The following GRIK1 variants were observed in gnomAD, a reference collection of about 807,000 sequenced individuals.
GRIK1 encodes glutamate ionotropic receptor kainate type subunit 1.
GRIK1 carries 69 observed loss-of-function variants against 105.7 expected under a neutral mutation model. That is an observed-to-expected ratio of 0.65 (90% confidence interval 0.54 to 0.80). The LOEUF (loss-of-function observed/expected upper bound fraction) is 0.80, where lower values mean the gene tolerates loss of function less well. Among genes scored for constraint, GRIK1 ranks in the 30% least tolerant of loss-of-function variants. GRIK1 has a pLI of 0.00. For synonymous variants in GRIK1, 438 were observed against 431.3 expected, an observed-to-expected ratio of 1.02 and a Z score of -0.19; for missense variants, 1,109 against 1,167.3, an observed-to-expected ratio of 0.95 and a Z score of 0.73.
chr21:29,888,847 T>C (rs1026503457), intron 1 of GRIK1, among the ~76,000 whole-genome samples: 5 of 152,102 alleles, frequency 3.3e-5, no homozygotes, highest in African/African-American at 7.2e-5. Flanking sequence ...AGTTTTTTTT[T>C]CCCCCTCCCC....
chr21:29,908,223 T>C (rs1162762026), intron 1 of GRIK1, among the ~76,000 whole-genome samples: 2 of 143,404 alleles, frequency 1.4e-5, no homozygotes, highest in Non-Finnish European at 3.0e-5. Context: ...TATAATTTTA[T>C]TTACACAGAA....
At chr21:29,891,795 A>T (rs927015438) in intron 1 of GRIK1, among the ~76,000 whole-genome samples, 1 of 152,222 alleles carries the variant, frequency 6.6e-6, no homozygotes, top group Admixed American at 6.5e-5. Flanking sequence ...TGTTAAAAAA[A>T]TTTATATACT....
Position 29,848,151 on chromosome 21 carries a change from G to T in GRIK1, c.118+91232C>A, listed in dbSNP as rs544651367. ...GCCTTGGCAACGACTTTATCTGTAC[G>T]CTGCTTCTAGTTGCACTTTTACCAC... On this transcript the variant is annotated intron_variant, in intron 1 of 17. Transcript: ENST00000327783. 5.9e-5 allele frequency among the ~76,000 whole-genome samples: 9 copies of T among 152,062 alleles called. No homozygotes were observed. The South Asian group carries it at 1.7e-3, about 28-fold the overall frequency.
intron 1 of GRIK1, among the ~76,000 whole-genome samples, chr21:29,790,850 G>A (rs138602576): frequency 6.6e-6 from 1 of 152,294 alleles, no homozygotes; most frequent in East Asian, 1.9e-4. Context: ...AGTGAATGAA[G>A]GCTCATTGCT....
intron 7 of GRIK1, among the ~76,000 whole-genome samples, chr21:29,613,133 C>T (rs1490820828): frequency 3.3e-5 from 5 of 152,180 alleles, no homozygotes; most frequent in Non-Finnish European, 4.4e-5. Flanking sequence ...AAGCATCTAA[C>T]ACAGGACTGT....
chr21:29,877,651 T>C (rs542586068), intron 1 of GRIK1, among the ~76,000 whole-genome samples: 11 of 152,318 alleles, frequency 7.2e-5, no homozygotes, highest in African/African-American at 2.6e-4. Flanking sequence ...ATTATTCTTT[T>C]ATGTTGTCAG....
intron 3 of GRIK1, among the ~76,000 whole-genome samples, chr21:29,682,374 G>A (rs962878752): frequency 6.6e-6 from 1 of 152,098 alleles, no homozygotes; most frequent in African/African-American, 2.4e-5. Context: ...ATGAAGTAAG[G>A]GCTGGCGTCG....
intron 1 of GRIK1, among the ~76,000 whole-genome samples, chr21:29,917,158 AT>A (rs2071027139): frequency 6.6e-6 from 1 of 151,994 alleles, no homozygotes; most frequent in South Asian, 2.1e-4. Context: ...TGAAGACTGG[AT>A]TTTAACATAA....
At chr21:29,866,988 C>G (rs116604668) in intron 1 of GRIK1, among the ~76,000 whole-genome samples, 615 of 152,258 alleles carry the variant, frequency 4.0e-3, no homozygotes, top group African/African-American at 0.014. Flanking sequence ...TGTTTGAACC[C>G]AGTGGATGGT....
chr21:29,665,933 G>A (rs1348595678), intron 4 of GRIK1, among the ~76,000 whole-genome samples: 2 of 152,148 alleles, frequency 1.3e-5, no homozygotes, highest in Non-Finnish European at 2.9e-5. Context: ...AGCATATTAT[G>A]CATGCAGTAA....
chr21:29,767,235 T>C (rs1417620896), intron 1 of GRIK1, among the ~76,000 whole-genome samples: 2 of 152,186 alleles, frequency 1.3e-5, no homozygotes, highest in African/African-American at 2.4e-5. Context: ...AATGGGACAA[T>C]GTGTGTGTTT....
intron 1 of GRIK1, among the ~76,000 whole-genome samples, chr21:29,913,382 A>G (rs2070885176): frequency 6.6e-6 from 1 of 152,076 alleles, no homozygotes; most frequent in Admixed American, 6.6e-5. Context: ...AATTTTACTT[A>G]CATATACTTA....
intron 1 of GRIK1, among the ~76,000 whole-genome samples, chr21:29,884,462 G>A (rs950547022): frequency 6.6e-6 from 1 of 151,812 alleles, no homozygotes; most frequent in Non-Finnish European, 1.5e-5. Flanking sequence ...TCCCACCCCC[G>A]ACTCTTTGTA....
At chr21:29,681,381 C>T (rs578017483) in intron 3 of GRIK1, among the ~76,000 whole-genome samples, 3 of 152,136 alleles carry the variant, frequency 2.0e-5, no homozygotes, top group African/African-American at 4.8e-5. Context: ...CCTCTCTGAC[C>T]GTCTCTTCTA....
intron 1 of GRIK1, among the ~76,000 whole-genome samples, chr21:29,905,768 A>G (rs982578913): frequency 1.3e-5 from 2 of 148,660 alleles, no homozygotes; most frequent in East Asian, 2.0e-4. Context: ...CTGGGACTAC[A>G]GGCGCCCGCC....
Position 29,893,020 on chromosome 21 carries a change from C to G in GRIK1, c.118+46363G>C, listed in dbSNP as rs1054748803. Among the ~76,000 whole-genome samples, 4 of 152,136 alleles carry G rather than the reference C, an allele frequency of 2.6e-5. No homozygotes were observed. In the East Asian group the frequency reaches 7.7e-4, roughly 29 times the overall value. ...AGAAACCCCACCTCAACTGAAGATACAATTAGCTGGGCATGGTGACACACG... is the reference window on the plus strand; with the variant it reads ...AGAAACCCCACCTCAACTGAAGATAGAATTAGCTGGGCATGGTGACACACG... On this transcript the variant is annotated intron_variant, in intron 1 of 17. Coordinates refer to ENST00000327783, the MANE Select transcript of GRIK1 (RefSeq NM_001330994.2).
At position 29,939,573 on chromosome 21, in the gene GRIK1, G is replaced by C. The variant is rs2071906098; in HGVS notation, c.-73C>G. On this transcript the variant is annotated 5_prime_UTR_variant, in exon 1 of 18. Coordinates refer to ENST00000327783, the MANE Select transcript of GRIK1 (RefSeq NM_001330994.2). ...CCGAGAGATGCACCCAACTTGGGCC[G>C]GGTCCCCGCCTCATCCTCTCTGGAT... 1 of 918,828 alleles carries C rather than the reference G, an allele frequency of 1.1e-6. No individual in the cohort carries two copies. Among genetic ancestry groups the C allele is most frequent in the Non-Finnish European group, 1.6e-6 (1 of 606,944 alleles). The allele number at this position is 918,828 out of a possible 1,614,324, so 56.9% of individuals were successfully genotyped here. A position where few individuals can be genotyped will look rare whatever the true frequency, so the allele number is the denominator to read the frequency against.
chr21:29,642,506 A>C (rs1303321109), intron 7 of GRIK1, among the ~76,000 whole-genome samples: 1 of 152,218 alleles, frequency 6.6e-6, no homozygotes, highest in Non-Finnish European at 1.5e-5. Context: ...CCCTTGACTC[A>C]GTGGGACATG....
Position 29,895,427 on chromosome 21 carries a change from GA to G in GRIK1, c.118+43955del, listed in dbSNP as rs1015853379. Reference sequence around the variant, plus strand: ...CCCCCTTTGTAATGCCTTTTTGAAAGAAAAAACAGGCAAACAACAACTACAA... The same window carrying G: ...CCCCCTTTGTAATGCCTTTTTGAAAGAAAAACAGGCAAACAACAACTACAA... On this transcript the variant is annotated intron_variant, in intron 1 of 17. Transcript: ENST00000327783. 2.0e-4 allele frequency among the ~76,000 whole-genome samples: 31 copies of G among 152,104 alleles called. 3 individuals carry two copies. The highest frequency in any genetic ancestry group is 1.8e-3 in the Admixed American group (28 of 15,284).
Sources: allele counts gnomAD v4.1 joint callset (sites outside exome capture counted in the v4.1 genomes callset), GRCh38; gene constraint gnomAD v4.1.1; transcripts MANE v1.5; gene names NCBI Gene and HGNC (gene_info 2026-07-23, HGNC 2026-07-21).